Variants in CTNNA2 observed in about 807,000 individuals in gnomAD.
The protein encoded by CTNNA2 is catenin alpha 2, also known as catenin alpha-2.
In CTNNA2, 42 loss-of-function variants were observed where a neutral mutation model predicts 101.0. That is an observed-to-expected ratio of 0.42 (90% CI 0.32 to 0.54). The LOEUF is 0.54. Ranked by LOEUF, CTNNA2 falls within the 20% of genes least tolerant of loss-of-function variation. The probability of loss-of-function intolerance (pLI) is 0.14; values close to 1 mark genes in which losing one functional copy is unlikely to be tolerated. For missense variants in CTNNA2, 871 were observed against 1,223.1 expected (o/e 0.71, Z 4.29); for synonymous variants, 450 against 456.4 (o/e 0.99, Z 0.18).
intron 4 of CTNNA2, among the ~76,000 whole-genome samples, chr2:79,488,062 T>C (rs1464962154): frequency 1.3e-5 from 2 of 152,012 alleles, no homozygotes; most frequent in Non-Finnish European, 2.9e-5. Flanking sequence ...GACAGTGTAA[T>C]CCCAGCACTT....
Position 79,949,710 on chromosome 2 carries a change from C to T in CTNNA2, c.1056+39913C>T, listed in dbSNP as rs571355564. Reference sequence around the variant, plus strand: ...GAAGGATCACTTGGGCCCAGTAGTTCGAGGCTGTAGGGACCCATGATCACA... The same window carrying T: ...GAAGGATCACTTGGGCCCAGTAGTTTGAGGCTGTAGGGACCCATGATCACA... On this transcript the variant is annotated intron_variant, in intron 7 of 18. Coordinates refer to ENST00000402739, the MANE Select transcript of CTNNA2 (RefSeq NM_001282597.3). Among the ~76,000 whole-genome samples, 10 of 152,112 alleles carry T rather than the reference C, an allele frequency of 6.6e-5. No individual in the cohort carries two copies. The South Asian group carries it at 8.3e-4, about 13-fold the overall frequency.
chr2:79,724,816 A>G (rs957720542), intron 2 of CTNNA2, among the ~76,000 whole-genome samples: 2 of 70,910 alleles, frequency 2.8e-5, no homozygotes, highest in African/African-American at 1.1e-4. Flanking sequence ...CTCCACCTCA[A>G]AAAAAAAAAA....
At chr2:79,839,229 G>T (rs1048466022) in intron 3 of CTNNA2, among the ~76,000 whole-genome samples, 3 of 151,892 alleles carry the variant, frequency 2.0e-5, no homozygotes, top group African/African-American at 7.3e-5. Context: ...TATTCATTAT[G>T]TTGAATATAT....
chr2:80,530,923 ACATG>A (rs1690482816), intron 9 of CTNNA2, among the ~76,000 whole-genome samples: 1 of 152,174 alleles, frequency 6.6e-6, no homozygotes, highest in Non-Finnish European at 1.5e-5. Context: ...TCATGAGAGA[ACATG>A]GGGGAAAATG....
chr2:80,100,255 G>A (rs998660454), intron 7 of CTNNA2, among the ~76,000 whole-genome samples: 3 of 152,064 alleles, frequency 2.0e-5, no homozygotes, highest in African/African-American at 7.2e-5. Context: ...TTTTAAACAG[G>A]CTTTACTGAT....
chr2:79,299,565 A>G (rs1676060423), intron 2 of CTNNA2, among the ~76,000 whole-genome samples: 1 of 152,240 alleles, frequency 6.6e-6, no homozygotes, highest in Non-Finnish European at 1.5e-5. Context: ...ATCCCAAACT[A>G]AATAAATTGT....
intron 12 of CTNNA2, among the ~76,000 whole-genome samples, chr2:80,559,049 C>G (rs1031511982): frequency 6.6e-6 from 1 of 152,126 alleles, no homozygotes. Context: ...TCTCTTTCTT[C>G]TACATGCCAA....
At chr2:79,875,536 C>T (rs763548246) in intron 6 of CTNNA2, among the ~76,000 whole-genome samples, 1 of 152,040 alleles carries the variant, frequency 6.6e-6, no homozygotes, top group Non-Finnish European at 1.5e-5. Flanking sequence ...CAAGAAATAA[C>T]TAGTTAGCAG....
intron 7 of CTNNA2, among the ~76,000 whole-genome samples, chr2:80,240,869 A>G (rs976293210): frequency 6.6e-6 from 1 of 152,182 alleles, no homozygotes; most frequent in African/African-American, 2.4e-5. Flanking sequence ...CTGAAGTAGC[A>G]TCAGGGTATG....
chr2:79,845,059 G>C lies in CTNNA2; in HGVS notation c.299-12954G>C, dbSNP rs567140441. ...TATATATATTTGTGTGCATTTGTGT[G>C]TGTGTGTGTATATATATATGTGTAT... On this transcript the variant is annotated intron_variant, in intron 3 of 18. Transcript: ENST00000402739. 2.1e-4 allele frequency among the ~76,000 whole-genome samples: 32 copies of C among 150,424 alleles called. No homozygotes were observed. The South Asian group carries it at 5.7e-3, about 27-fold the overall frequency.
chr2:79,830,169 A>T (rs2105422228), intron 3 of CTNNA2, among the ~76,000 whole-genome samples: 1 of 145,106 alleles, frequency 6.9e-6, no homozygotes, highest in East Asian at 2.0e-4. Flanking sequence ...ATCCTACAAG[A>T]GTACATAAGG....
At chr2:79,626,722 G>C (rs536595579) in intron 1 of CTNNA2, among the ~76,000 whole-genome samples, 3 of 150,872 alleles carry the variant, frequency 2.0e-5, no homozygotes, top group Non-Finnish European at 4.4e-5. Flanking sequence ...AACAGGGCTG[G>C]CTAAACAGCC....
At chr2:79,575,150 G>C (rs1675710270) in intron 1 of CTNNA2, among the ~76,000 whole-genome samples, 1 of 152,068 alleles carries the variant, frequency 6.6e-6, no homozygotes, top group Admixed American at 6.6e-5. Flanking sequence ...TGGGCTTCTG[G>C]CAAGCAGAAT....
intron 3 of CTNNA2, among the ~76,000 whole-genome samples, chr2:79,851,723 A>T (rs375956716): frequency 0.06 from 6,266 of 104,642 alleles, 308 homozygotes; most frequent in African/African-American, 0.17. Flanking sequence ...TTTCTTTTTC[A>T]TTTTTTTCTT....
intron 2 of CTNNA2, among the ~76,000 whole-genome samples, chr2:79,660,321 ATGTATG>A (rs938852999): frequency 4.0e-5 from 6 of 150,488 alleles, no homozygotes; most frequent in African/African-American, 1.5e-4. Flanking sequence ...GTATATACAT[ATGTATG>A]TGTATGTATA....
rs139709299 is a variant in CTNNA2, at chr2:80,484,200, G to A, written c.1291-60782G>A. Among the ~76,000 whole-genome samples the A allele has an allele frequency of 8.7e-3, 1,326 of 151,832 alleles. 16 individuals carry two copies. Among genetic ancestry groups the A allele is most frequent in the Non-Finnish European group, 0.014 (932 of 67,996 alleles). On this transcript the variant is annotated intron_variant, in intron 9 of 18. Coordinates refer to ENST00000402739, the MANE Select transcript of CTNNA2 (RefSeq NM_001282597.3). The stretch of plus-strand genomic sequence containing the variant: ...TTTAAAGTATGCTCACTTATGTGTG[G>A]AATTCTGAATGCGCTTGTGGTCAAT...
intron 7 of CTNNA2, among the ~76,000 whole-genome samples, chr2:80,103,541 C>T (rs747669748): frequency 1.3e-5 from 2 of 152,092 alleles, no homozygotes; most frequent in East Asian, 3.9e-4. Flanking sequence ...GTGTAAGGCA[C>T]CTGCTATATG....
intron 18 of CTNNA2, among the ~76,000 whole-genome samples, chr2:80,635,038 G>A (rs1260148051): frequency 6.6e-6 from 1 of 152,066 alleles, no homozygotes; most frequent in Non-Finnish European, 1.5e-5. Flanking sequence ...GTCAAGAGGT[G>A]GTCTTTGTGA....
At chr2:80,048,726 A>G (rs1696685312) in intron 7 of CTNNA2, among the ~76,000 whole-genome samples, 1 of 152,204 alleles carries the variant, frequency 6.6e-6, no homozygotes, top group Admixed American at 6.5e-5. Context: ...GCTATGCACA[A>G]TAAATATGCA....
Sources: gnomAD v4.1 joint callset for allele counts (sites outside exome capture counted in the v4.1 genomes callset) on GRCh38, gnomAD v4.1.1 for gene constraint, MANE v1.5 for transcripts, NCBI Gene and HGNC (gene_info 2026-07-23, HGNC 2026-07-21) for gene names.